Variants in PCCA observed in about 807,000 individuals in gnomAD.
The protein encoded by PCCA is propionyl-CoA carboxylase subunit alpha, also known as propionyl-CoA carboxylase alpha chain, mitochondrial.
In PCCA, 74 loss-of-function variants were observed where a neutral mutation model predicts 101.3. That is an observed-to-expected ratio of 0.73 (90% CI 0.61 to 0.89). PCCA has a LOEUF of 0.89. Among genes scored for constraint, PCCA ranks in the 40% least tolerant of loss-of-function variants. The pLI is 0.00. For missense variants in PCCA, 891 were observed against 907.0 expected, an observed-to-expected ratio of 0.98 and a Z score of 0.23; for synonymous variants, 294 against 313.6, an observed-to-expected ratio of 0.94 and a Z score of 0.66.
chr13:100,234,299 A>T (rs1280993892), intron 7 of PCCA, among the ~76,000 whole-genome samples: 1 of 152,190 alleles, frequency 6.6e-6, no homozygotes, highest in Admixed American at 6.5e-5. Context: ...CTTTTCATGG[A>T]TTTTCATCCC....
intron 4 of PCCA, among the ~76,000 whole-genome samples, chr13:100,152,596 G>A (rs1262084060): frequency 6.6e-6 from 1 of 151,962 alleles, no homozygotes; most frequent in Admixed American, 6.6e-5. Flanking sequence ...ACAGGCGTCC[G>A]CCACCACGCC....
chr13:100,276,618 C>CT (rs1244845584), intron 12 of PCCA, among the ~76,000 whole-genome samples: 3 of 151,988 alleles, frequency 2.0e-5, no homozygotes, highest in African/African-American at 7.2e-5. Flanking sequence ...TATTTTTCAT[C>CT]TTTTTTGGAT....
At position 100,273,362 on chromosome 13, in the gene PCCA, A is replaced by G; in HGVS notation, c.1065+16A>G. 6 of 1,601,708 alleles carry G rather than the reference A, an allele frequency of 3.7e-6. No homozygotes were observed. Among genetic ancestry groups the G allele is most frequent in the Non-Finnish European group, 5.1e-6 (6 of 1,168,824 alleles). On this transcript the variant is annotated intron_variant, in intron 12 of 23. Coordinates refer to ENST00000376285, the MANE Select transcript of PCCA (RefSeq NM_000282.4). ...AAGACTCCAGGTAACAACAACTGTT[A>G]TTTATTCCTCTCCATGCCTCTGTAC...
intron 20 of PCCA, among the ~76,000 whole-genome samples, chr13:100,445,005 A>G (rs2080717975): frequency 6.6e-6 from 1 of 152,162 alleles, no homozygotes; most frequent in African/African-American, 2.4e-5. Context: ...TTGGCTCGTG[A>G]TTCTGATGTC....
chr13:100,289,429 G>T (rs961294966), intron 12 of PCCA, among the ~76,000 whole-genome samples: 4 of 152,208 alleles, frequency 2.6e-5, no homozygotes, highest in South Asian at 2.1e-4. Context: ...GATTATAGGA[G>T]TAAGCTGCTG....
intron 4 of PCCA, among the ~76,000 whole-genome samples, chr13:100,112,504 A>G (rs1695916901): frequency 6.6e-6 from 1 of 151,996 alleles, no homozygotes; most frequent in African/African-American, 2.4e-5. Flanking sequence ...GCTAATGCTA[A>G]TTGGATACAA....
chr13:100,326,100 A>G (rs769403645), intron 16 of PCCA, among the ~76,000 whole-genome samples: 8 of 152,238 alleles, frequency 5.3e-5, no homozygotes, highest in Non-Finnish European at 1.2e-4. Flanking sequence ...TGTGAAAGCC[A>G]TCAAGCCCAA....
chr13:100,422,379 C>T (rs2078890247), intron 19 of PCCA, among the ~76,000 whole-genome samples: 1 of 151,922 alleles, frequency 6.6e-6, no homozygotes, highest in Non-Finnish European at 1.5e-5. Context: ...TTCAAGCAGT[C>T]CTCCTGCCTG....
intron 21 of PCCA, among the ~76,000 whole-genome samples, chr13:100,471,360 G>A (rs1022361434): frequency 6.6e-6 from 1 of 152,134 alleles, no homozygotes; most frequent in Non-Finnish European, 1.5e-5. Flanking sequence ...CGACGAAAAT[G>A]GGTTTCCTAA....
intron 6 of PCCA, among the ~76,000 whole-genome samples, chr13:100,171,615 G>A (rs902096827): frequency 6.6e-6 from 1 of 152,166 alleles, no homozygotes; most frequent in African/African-American, 2.4e-5. Context: ...ACGGCCAGAC[G>A]CAGTGGCCTA....
At chr13:100,162,790 G>T (rs2152398078) in intron 6 of PCCA, among the ~76,000 whole-genome samples, 1 of 152,214 alleles carries the variant, frequency 6.6e-6, no homozygotes, top group African/African-American at 2.4e-5. Flanking sequence ...TTCTTAAGTG[G>T]AACTAATAAA....
At chr13:100,208,606 G>A (rs954621640) in intron 6 of PCCA, among the ~76,000 whole-genome samples, 5 of 151,758 alleles carry the variant, frequency 3.3e-5, no homozygotes, top group African/African-American at 1.2e-4. Context: ...ATCATATTTT[G>A]TTCTGTCTCT....
intron 7 of PCCA, among the ~76,000 whole-genome samples, chr13:100,223,559 A>G (rs2059946254): frequency 6.6e-6 from 1 of 152,106 alleles, no homozygotes; most frequent in African/African-American, 2.4e-5. Context: ...AGTGGACCCA[A>G]AGAGTGAGCA....
At chr13:100,518,961 T>C (rs543117890) in intron 22 of PCCA, among the ~76,000 whole-genome samples, 9 of 152,348 alleles carry the variant, frequency 5.9e-5, no homozygotes, top group African/African-American at 1.9e-4. Context: ...ACATGTCAAA[T>C]TAGACTTATA....
intron 6 of PCCA, among the ~76,000 whole-genome samples, chr13:100,207,097 G>A (rs1020787414): frequency 6.6e-6 from 1 of 151,970 alleles, no homozygotes; most frequent in African/African-American, 2.4e-5. Flanking sequence ...TTGTTTTTTT[G>A]GTAAACTATC....
chr13:100,118,313 A>G (rs1025862480), intron 4 of PCCA, among the ~76,000 whole-genome samples: 1 of 151,936 alleles, frequency 6.6e-6, no homozygotes, highest in South Asian at 2.1e-4. Flanking sequence ...AGTTGACCCC[A>G]GTTGTCCTTT....
At chr13:100,356,604 C>T (rs923277947) in intron 18 of PCCA, among the ~76,000 whole-genome samples, 12 of 152,112 alleles carry the variant, frequency 7.9e-5, no homozygotes, top group African/African-American at 2.9e-4. Context: ...GGAACCATTA[C>T]ATGTTCCTGG....
intron 4 of PCCA, chr13:100,150,482 T>C: frequency 1.7e-6 from 2 of 1,198,270 alleles, no homozygotes; most frequent in Non-Finnish European, 2.2e-6. Flanking sequence ...TTACTTATAT[T>C]AGCGGTAACG....
chr13:100,470,959 G>T (rs2082967767), intron 21 of PCCA, among the ~76,000 whole-genome samples: 1 of 152,182 alleles, frequency 6.6e-6, no homozygotes, highest in Admixed American at 6.5e-5. Context: ...TTTTCTTCAA[G>T]ACATTTTTCC....
Sources: gnomAD v4.1 joint callset for allele counts (sites outside exome capture counted in the v4.1 genomes callset) on GRCh38, gnomAD v4.1.1 for gene constraint, MANE v1.5 for transcripts, NCBI Gene and HGNC (gene_info 2026-07-23, HGNC 2026-07-21) for gene names.